PXDNL: variants seen among roughly 807,000 people sequenced by gnomAD.
The protein encoded by PXDNL is peroxidasin like.
A neutral mutation model predicts 150.8 loss-of-function variants in PXDNL; 145 were observed. The observed-to-expected ratio is 0.96, with a 90% CI of 0.84 to 1.10. The LOEUF is 1.10. Among genes scored for constraint, PXDNL ranks in the 50% least tolerant of loss-of-function variants. PXDNL has a pLI of 0.00. For missense variants in PXDNL, 2,087 were observed against 1,873.9 expected (o/e 1.11, Z -2.10); for synonymous variants, 757 against 725.7 (o/e 1.04, Z -0.69).
chr8:51,413,037 C>G (rs940944130), intron 15 of PXDNL, 113 bp downstream of exon 15: 4 of 658,396 alleles, frequency 6.1e-6, no homozygotes, highest in African/African-American at 5.4e-5. Context: ...TACACAAGGA[C>G]TAAAGAAAGC....
chr8:51,532,502 T>C (rs1461905857), intron 4 of PXDNL, among the ~76,000 whole-genome samples: 1 of 152,256 alleles, frequency 6.6e-6, no homozygotes, highest in Non-Finnish European at 1.5e-5. Context: ...GACACCAGTG[T>C]GTGATGTTAT....
At chr8:51,353,692 G>A (rs1806420105) in intron 19 of PXDNL, among the ~76,000 whole-genome samples, 1 of 152,066 alleles carries the variant, frequency 6.6e-6, no homozygotes, top group Non-Finnish European at 1.5e-5. Flanking sequence ...AGCTTATAGG[G>A]ACAAAGTTAA....
chr8:51,341,598 T>C (rs1264813881), intron 20 of PXDNL, among the ~76,000 whole-genome samples: 1 of 152,206 alleles, frequency 6.6e-6, no homozygotes, highest in Non-Finnish European at 1.5e-5. Context: ...TCTTTACTCA[T>C]TGAGCAACAA....
At chr8:51,382,607 A>G (rs766172292) in intron 17 of PXDNL, among the ~76,000 whole-genome samples, 14 of 152,158 alleles carry the variant, frequency 9.2e-5, no homozygotes, top group Non-Finnish European at 1.8e-4. Flanking sequence ...AATAGGCTTG[A>G]TTTTGTACAG....
Position 51,636,190 on chromosome 8 carries a change from TAGC to T in PXDNL, c.236+18496_236+18498del, listed in dbSNP as rs143992927. Reference sequence around the variant, plus strand: ...CAAAGAATACTCAAAAAACAAGTAATAGCAGGAAATTTCTGAACATAATAAAGG... The same window carrying T: ...CAAAGAATACTCAAAAAACAAGTAATAGGAAATTTCTGAACATAATAAAGG... On this transcript the variant is annotated intron_variant, in intron 2 of 22. Transcript: ENST00000356297. Among the ~76,000 whole-genome samples, 327 of 152,144 alleles carry T rather than the reference TAGC, an allele frequency of 2.1e-3. 1 individual carries two copies. Among genetic ancestry groups the T allele is most frequent in the African/African-American group, 7.4e-3 (309 of 41,528 alleles).
intron 17 of PXDNL, among the ~76,000 whole-genome samples, chr8:51,379,091 C>A (rs1222783653): frequency 6.6e-6 from 1 of 152,090 alleles, no homozygotes; most frequent in African/African-American, 2.4e-5. Flanking sequence ...ATTTTTTTGT[C>A]CATGGAGATT....
At chr8:51,623,873 C>T (rs987052899) in intron 2 of PXDNL, among the ~76,000 whole-genome samples, 3 of 152,098 alleles carry the variant, frequency 2.0e-5, no homozygotes, top group African/African-American at 7.2e-5. Flanking sequence ...GTGGAAGGCT[C>T]ACTTCAGGCC....
chr8:51,408,674 C>A lies in PXDNL; in HGVS notation c.2950G>T (p.Glu984Ter). The change falls in exon 17 of 23, where the codon GAG (glutamate) becomes TAG (stop). Residue 984 changes from glutamate (E) to a stop codon, truncating the protein, a stop_gained. Coordinates refer to ENST00000356297, the MANE Select transcript of PXDNL (RefSeq NM_144651.5). LOFTEE classifies it high-confidence loss of function. ...WFREHNRMAT[E>*]LSALNPHWEG... ...CAGTGGGGGTTCAGGGCGGACAGCTCCGTGGCCATCCTGTTGTGTTCCCGG... is the reference window on the plus strand; with the variant it reads ...CAGTGGGGGTTCAGGGCGGACAGCTACGTGGCCATCCTGTTGTGTTCCCGG... 1 of 1,600,134 alleles carries A rather than the reference C, an allele frequency of 6.2e-7. No homozygotes were observed. The highest frequency in any genetic ancestry group is 2.3e-5 in the East Asian group (1 of 44,128).
chr8:51,371,415 A>C (rs76978443), intron 19 of PXDNL, among the ~76,000 whole-genome samples: 2,342 of 152,332 alleles, frequency 0.015, 58 homozygotes, highest in African/African-American at 0.051. Context: ...CATTAGGGAA[A>C]GTTTTTCCTG....
At position 51,345,870 on chromosome 8, in the gene PXDNL, C is replaced by T. The variant is rs566976870; in HGVS notation, c.3979G>A (p.Val1327Ile). The change falls in exon 20 of 23, where the codon GTT becomes ATT. Residue 1327 changes from valine (V) to isoleucine (I), a missense_variant. Coordinates refer to ENST00000356297, the MANE Select transcript of PXDNL (RefSeq NM_144651.5). ...KKRSAQYSYP[V>I]DKDMELSHLR... is the part of the protein sequence containing the mutation. Reference sequence around the variant, plus strand: ...TGACTTAACTCCATATCCTTATCAACAGGATAGCTGTATTGAGCTGAGCGT... The same window carrying T: ...TGACTTAACTCCATATCCTTATCAATAGGATAGCTGTATTGAGCTGAGCGT... 8.1e-5 allele frequency: 130 copies of T among 1,612,712 alleles called. 3 individuals are homozygous for T. The South Asian group carries it at 1.4e-3, about 17-fold the overall frequency.
chr8:51,565,315 TAAATAA>T, intron 3 of PXDNL, among the ~76,000 whole-genome samples: 1 of 133,060 alleles, frequency 7.5e-6, no homozygotes, highest in African/African-American at 3.8e-5. Context: ...AATAAATAAA[TAAATAA>T]ATAGATAGAT....
In PXDNL at chr8:51,320,796, G is replaced by T. The variant is rs370461650; in HGVS notation, c.4248C>A (p.His1416Gln). The T allele has an allele frequency of 5.0e-6, 8 of 1,612,890 alleles. No individual in the cohort carries two copies. The highest frequency in any genetic ancestry group is 1.7e-5 in the Admixed American group (1 of 59,990). ...TCGCAGCACAAACCTCACAAATGCA[G>T]TGAGTGCAGTCTTCTTTCATCCAGC... ...EERWMKEDCTHCICESGQVTC... is the reference protein window; with the variant it reads ...EERWMKEDCTQCICESGQVTC... Residue 1416 changes from histidine (H) to glutamine (Q), a missense_variant, in exon 22 of 23, where the codon CAC becomes CAA. Physicochemically the swap from His to Gln is conservative, Grantham distance 24. Coordinates refer to ENST00000356297, the MANE Select transcript of PXDNL (RefSeq NM_144651.5).
chr8:51,639,854 G>C (rs1457793645), intron 2 of PXDNL, among the ~76,000 whole-genome samples: 2 of 152,144 alleles, frequency 1.3e-5, no homozygotes, highest in Admixed American at 1.3e-4. Context: ...CTCATTTTAT[G>C]AGGCCAGCAT....
rs1808517293 is a variant in PXDNL, at chr8:51,408,716, T to C, written c.2908A>G (p.Met970Val). Reference protein sequence around the residue: ...RANEHLALAAMHTLWFREHNR... With the variant: ...RANEHLALAAVHTLWFREHNR... ...TGTTCCCGGAACCACAGGGTGTGCA[T>C]GGCGGCCAGAGCCAGATGCTCGTTG... Residue 970 changes from methionine to valine, a missense_variant, in exon 17 of 23, where the codon ATG becomes GTG. By Grantham distance (21) the Met-to-Val change is conservative. Transcript: ENST00000356297. 6.3e-7 allele frequency: 1 copy of C among 1,593,134 alleles called. No homozygotes were observed. Among genetic ancestry groups the C allele is most frequent in the East Asian group, 2.3e-5 (1 of 43,798 alleles).
At chr8:51,766,110 C>G (rs1390330732) in intron 1 of PXDNL, among the ~76,000 whole-genome samples, 1 of 152,180 alleles carries the variant, frequency 6.6e-6, no homozygotes, top group Non-Finnish European at 1.5e-5. Context: ...GCTGGGATGA[C>G]AGGCGTGAGC....
intron 19 of PXDNL, among the ~76,000 whole-genome samples, chr8:51,369,706 C>CT (rs1220332192): frequency 2.6e-5 from 4 of 151,334 alleles, no homozygotes; most frequent in Non-Finnish European, 5.9e-5. Flanking sequence ...ATGTTTACTG[C>CT]TGGCTTATTA....
intron 2 of PXDNL, among the ~76,000 whole-genome samples, chr8:51,614,054 T>G (rs1814078981): frequency 6.6e-6 from 1 of 152,200 alleles, no homozygotes; most frequent in Non-Finnish European, 1.5e-5. Flanking sequence ...ATCTTCATAT[T>G]TTGTACGCTA....
chr8:51,765,995 C>T (rs1318371433), intron 1 of PXDNL, among the ~76,000 whole-genome samples: 1 of 152,106 alleles, frequency 6.6e-6, no homozygotes, highest in Non-Finnish European at 1.5e-5. Flanking sequence ...AGGCGCCCGC[C>T]ACCATGCCCG....
Position 51,423,579 on chromosome 8 carries a change from G to T in PXDNL, c.1791C>A (p.Val597=). 1 of 1,613,496 alleles carries T rather than the reference G, an allele frequency of 6.2e-7. No homozygotes were observed. The highest frequency in any genetic ancestry group is 1.1e-5 in the South Asian group (1 of 91,030). The change falls in exon 14 of 23, where the codon GTC becomes GTA. Residue 597 remains valine (V), a synonymous_variant. Coordinates refer to ENST00000356297, the MANE Select transcript of PXDNL (RefSeq NM_144651.5). ...AATGGAGCTATAGACACCTACCCGT[G>T]ACTGTAAGAAACATGTTGGTCACAG... The part of the protein sequence containing the change: ...GLAVTNMFLT[V]TAIQGRQAGD...
Sources: gnomAD v4.1 joint callset for allele counts (sites outside exome capture counted in the v4.1 genomes callset) on GRCh38, gnomAD v4.1.1 for gene constraint, MANE v1.5 for transcripts, NCBI Gene and HGNC (gene_info 2026-07-23, HGNC 2026-07-21) for gene names.